The following CD247 variants were observed in gnomAD, a reference collection of about 807,000 sequenced individuals.
The protein encoded by CD247 is CD247 molecule.
CD247 carries 13 observed loss-of-function variants against 30.0 expected under a neutral mutation model. The ratio of observed to expected loss-of-function variants is 0.43; its 90% CI spans 0.28 to 0.69. CD247 has a LOEUF of 0.69. Ranked by LOEUF, CD247 falls within the 30% of genes least tolerant of loss-of-function variation. The pLI is 0.16. For synonymous variants in CD247, 72 were observed against 80.0 expected, an observed-to-expected ratio of 0.90 and a Z score of 0.53; for missense variants, 193 against 212.6, an observed-to-expected ratio of 0.91 and a Z score of 0.57.
intron 1 of CD247, among the ~76,000 whole-genome samples, chr1:167,479,793 A>G: frequency 6.6e-6 from 1 of 152,022 alleles, no homozygotes; most frequent in East Asian, 1.9e-4. Context: ...TCCACATTCT[A>G]CCCATTGGTT....
intron 1 of CD247, among the ~76,000 whole-genome samples, chr1:167,454,743 C>G (rs1002299573): frequency 3.9e-5 from 6 of 152,254 alleles, no homozygotes; most frequent in African/African-American, 1.4e-4. Flanking sequence ...TTCCGATCCA[C>G]CGAATCAGTC....
intron 1 of CD247, among the ~76,000 whole-genome samples, chr1:167,477,271 G>A (rs1208511099): frequency 1.3e-5 from 2 of 152,206 alleles, no homozygotes; most frequent in African/African-American, 2.4e-5. Flanking sequence ...CAAAAGGGAG[G>A]AAGACGTTAA....
intron 1 of CD247, among the ~76,000 whole-genome samples, chr1:167,503,683 A>T (rs185162528): frequency 5.9e-5 from 9 of 152,226 alleles, no homozygotes; most frequent in Admixed American, 5.2e-4. Context: ...CACTGAACAC[A>T]TTGTTTAGGA....
At chr1:167,471,697 G>A (rs566881088) in intron 1 of CD247, among the ~76,000 whole-genome samples, 2 of 152,158 alleles carry the variant, frequency 1.3e-5, no homozygotes, top group African/African-American at 4.8e-5. Context: ...TGAACTCCTG[G>A]GCTCAAACGA....
chr1:167,496,780 T>C (rs1339686038), intron 1 of CD247, among the ~76,000 whole-genome samples: 3 of 152,176 alleles, frequency 2.0e-5, no homozygotes, highest in African/African-American at 7.2e-5. Flanking sequence ...TGTTCCTAAA[T>C]GGTTATCAGC....
intron 3 of CD247, 51 bp from the exon 4 acceptor site, chr1:167,438,701 A>G: frequency 7.0e-7 from 1 of 1,434,928 alleles, no homozygotes; most frequent in Non-Finnish European, 9.8e-7. Flanking sequence ...CCTCAGAAGG[A>G]TGGAGCCAGC....
At chr1:167,469,971 T>C (rs759850284) in intron 1 of CD247, among the ~76,000 whole-genome samples, 1 of 152,314 alleles carries the variant, frequency 6.6e-6, no homozygotes, top group East Asian at 1.9e-4. Context: ...TGGAGTGCAA[T>C]GGTGCGATCT....
At position 167,431,676 on chromosome 1, in the gene CD247, GGCTGTTA is replaced by G. The variant is rs1557990014; in HGVS notation, c.493_*4del. 7 of 1,611,750 alleles carry G rather than the reference GGCTGTTA, an allele frequency of 4.3e-6. No individual in the cohort carries two copies. The South Asian group carries it at 7.7e-5, about 18-fold the overall frequency. Reference sequence around the variant, plus strand: ...TGGCCTTTGAGTGGTGAAATCCCCTGGCTGTTAGCGAGGGGGCAGGGCCTGCATGTGA... The same window carrying G: ...TGGCCTTTGAGTGGTGAAATCCCCTGGCGAGGGGGCAGGGCCTGCATGTGA... On this transcript the variant is annotated stop_lost and 3_prime_UTR_variant, in exon 8 of 8. Coordinates refer to ENST00000362089, the MANE Select transcript of CD247 (RefSeq NM_198053.3).
chr1:167,485,202 AG>A (rs1312648484), intron 1 of CD247, among the ~76,000 whole-genome samples: 2 of 152,232 alleles, frequency 1.3e-5, no homozygotes, highest in East Asian at 1.9e-4. Context: ...GGAAGATCTA[AG>A]GGGGGCATTT....
At chr1:167,470,520 A>AG in intron 1 of CD247, among the ~76,000 whole-genome samples, 1 of 119,978 alleles carries the variant, frequency 8.3e-6, no homozygotes, top group African/African-American at 2.8e-5. Context: ...AAAAAAAAAA[A>AG]AAAAAAAGAA....
intron 1 of CD247, among the ~76,000 whole-genome samples, chr1:167,469,087 A>T (rs547059777): frequency 3.4e-4 from 52 of 152,208 alleles, no homozygotes; most frequent in African/African-American, 1.3e-3. Context: ...GGTTCAAGTG[A>T]TTCTCATGCC....
intron 1 of CD247, among the ~76,000 whole-genome samples, chr1:167,455,994 T>C (rs978134057): frequency 2.6e-5 from 4 of 152,000 alleles, no homozygotes; most frequent in African/African-American, 4.8e-5. Context: ...CCTGAGAGGC[T>C]GGGCCTTCCC....
At chr1:167,462,093 G>T (rs1653044730) in intron 1 of CD247, among the ~76,000 whole-genome samples, 1 of 152,186 alleles carries the variant, frequency 6.6e-6, no homozygotes, top group South Asian at 2.1e-4. Flanking sequence ...TAAGTCTCAT[G>T]GGACTTGGCC....
rs35548775 is a variant in CD247, at chr1:167,486,455, T to C, written c.58+31953A>G. Among the ~76,000 whole-genome samples, 974 of 152,338 alleles carry C rather than the reference T, an allele frequency of 6.4e-3. 17 individuals are homozygous for C. The highest frequency in any genetic ancestry group is 0.022 in the African/African-American group (929 of 41,586). On this transcript the variant is annotated intron_variant, in intron 1 of 7. Coordinates refer to ENST00000362089, the MANE Select transcript of CD247 (RefSeq NM_198053.3). Reference sequence around the variant, plus strand: ...TGAGACTGTTTATGTGAAAATACTTTGTAAACTGAAAAAAATAAAACCAAA... The same window carrying C: ...TGAGACTGTTTATGTGAAAATACTTCGTAAACTGAAAAAAATAAAACCAAA...
chr1:167,498,094 C>G (rs1434539662), intron 1 of CD247, among the ~76,000 whole-genome samples: 1 of 152,172 alleles, frequency 6.6e-6, no homozygotes, highest in Non-Finnish European at 1.5e-5. Context: ...CATCTTCTGC[C>G]AGTCCTGTTC....
In CD247 at chr1:167,439,637, A is replaced by G. The variant is rs1404567; in HGVS notation, c.163-237T>C. The G allele has an allele frequency of 0.13, 72,732 of 574,188 alleles. 5,444 individuals carry two copies. The highest frequency in any genetic ancestry group is 0.31 in the East Asian group (10,604 of 34,060). 35.6% of individuals were successfully genotyped at this position (574,188 alleles called of 1,614,324 possible). On this transcript the variant is annotated intron_variant, in intron 2 of 7. Coordinates refer to ENST00000362089, the MANE Select transcript of CD247 (RefSeq NM_198053.3). ...ACACGTGCATTCATCACGCTGGCCCAGGACCCGCTGGAGTTTATTCTTCCC... is the reference window on the plus strand; with the variant it reads ...ACACGTGCATTCATCACGCTGGCCCGGGACCCGCTGGAGTTTATTCTTCCC...
intron 1 of CD247, among the ~76,000 whole-genome samples, chr1:167,497,210 G>A (rs554303779): frequency 7.9e-5 from 12 of 152,232 alleles, no homozygotes; most frequent in East Asian, 3.9e-4. Context: ...GAACAGTTAC[G>A]AAATAAAATG....
Position 167,478,097 on chromosome 1 carries a change from C to T in CD247, c.59-37330G>A, listed in dbSNP as rs35246819. On this transcript the variant is annotated intron_variant, in intron 1 of 7. Transcript: ENST00000362089. The stretch of plus-strand genomic sequence containing the variant: ...CCAGGCAAAGAATCAAAAGGCCAGA[C>T]GAGCCAGACCATAGAGCTGTGAGGG... Among the ~76,000 whole-genome samples the T allele has an allele frequency of 4.3e-3, 662 of 152,292 alleles. 8 individuals are homozygous for T. The highest frequency in any genetic ancestry group is 0.015 in the African/African-American group (623 of 41,566).
Position 167,439,363 on chromosome 1 carries a change from C to A in CD247, c.200G>T (p.Gly67Val), listed in dbSNP as rs1651706706. ...RSADAPAYQQ[G>V]QNQLYNELNL... ...ACTTACGTTATAGAGCTGGTTCTGG[C>A]CCTGCTGGTACGCGGGGGCGTCTGC... is the stretch of plus-strand genomic sequence containing the variant. The change falls in exon 3 of 8, where the codon GGC (glycine) becomes GTC (valine). Residue 67 changes from glycine (G) to valine (V), a missense_variant. Gly to Val is a moderately radical substitution (Grantham distance 109). Transcript: ENST00000362089. The A allele has an allele frequency of 6.2e-7, 1 of 1,614,132 alleles. No individual in the cohort carries two copies. The highest frequency in any genetic ancestry group is 1.1e-5 in the South Asian group (1 of 91,084).
Sources: allele counts gnomAD v4.1 joint callset (sites outside exome capture counted in the v4.1 genomes callset), GRCh38; gene constraint gnomAD v4.1.1; transcripts MANE v1.5; gene names NCBI Gene and HGNC (gene_info 2026-07-23, HGNC 2026-07-21).